The following FAM193B variants were observed in gnomAD, a reference collection of about 807,000 sequenced individuals.
FAM193B encodes protein FAM193B.
FAM193B carries 27 observed loss-of-function variants against 70.7 expected under a neutral mutation model. That is an observed-to-expected ratio of 0.38 (90% CI 0.28 to 0.53). The LOEUF is 0.53. FAM193B is among the 20% of genes least tolerant of loss of function. The probability of loss-of-function intolerance (pLI) is 0.81; values close to 1 mark genes in which losing one functional copy is unlikely to be tolerated. For synonymous variants in FAM193B, 448 were observed against 436.0 expected (o/e 1.03, Z -0.34); for missense variants, 1,022 against 1,072.5 (o/e 0.95, Z 0.66).
At position 177,519,967 on chromosome 5, in the gene FAM193B, AGT is replaced by A. The variant is rs1162084003; in HGVS notation, c.*214_*215del. On this transcript the variant is annotated 3_prime_UTR_variant, in exon 9 of 9. Transcript: ENST00000514747. ...AGGCCAGCCCAGTCCACGGGCTCTG[AGT>A]GTGGAGGCTGCGTAGCACCAGGAAG... The A allele has an allele frequency of 6.6e-6, 1 of 152,282 alleles. No individual in the cohort carries two copies. The highest frequency in any genetic ancestry group is 2.4e-5 in the African/African-American group (1 of 41,428). 9.4% of individuals were successfully genotyped at this position (152,282 alleles called of 1,614,324 possible).
At chr5:177,521,224 A>G (rs1486328656) in intron 8 of FAM193B, among the ~76,000 whole-genome samples, 3 of 152,212 alleles carry the variant, frequency 2.0e-5, no homozygotes, top group African/African-American at 7.2e-5. Context: ...CCCCAGCCCA[A>G]GGTCTGCCTG....
At chr5:177,546,115 C>T (rs1215911907) in intron 1 of FAM193B, among the ~76,000 whole-genome samples, 1 of 152,176 alleles carries the variant, frequency 6.6e-6, no homozygotes, top group Non-Finnish European at 1.5e-5. Context: ...TCCATTCACC[C>T]ATTTATTCCC....
At chr5:177,553,437 C>T in intron 1 of FAM193B, 12 of 1,063,996 alleles carry the variant, frequency 1.1e-5, no homozygotes, top group Non-Finnish European at 1.4e-5. Context: ...GTGCCACAAC[C>T]CTCCCAGAGC....
intron 5 of FAM193B, chr5:177,531,671 C>G: frequency 2.7e-6 from 2 of 740,166 alleles, no homozygotes; most frequent in Non-Finnish European, 3.8e-6. Flanking sequence ...ACCCTCTCAG[C>G]CAGGCTGAAT....
chr5:177,549,187 C>CTTTTTTT (rs141797022), intron 1 of FAM193B, among the ~76,000 whole-genome samples: 14 of 93,018 alleles, frequency 1.5e-4, no homozygotes, highest in African/African-American at 5.3e-4. Flanking sequence ...ATTGTCTTTT[C>CTTTTTTT]TTTTTTTTTT....
intron 1 of FAM193B, among the ~76,000 whole-genome samples, chr5:177,540,706 G>C (rs1175447864): frequency 6.6e-6 from 1 of 152,172 alleles, no homozygotes; most frequent in African/African-American, 2.4e-5. Context: ...GCCCAGCCGA[G>C]AGCAGACTCA....
chr5:177,539,426 G>A (rs982108920), intron 1 of FAM193B: 1 of 355,536 alleles, frequency 2.8e-6, no homozygotes, highest in Non-Finnish European at 5.2e-6. Flanking sequence ...CAAAACTCAT[G>A]CTCAAATATC....
intron 5 of FAM193B, among the ~76,000 whole-genome samples, chr5:177,528,568 G>C (rs897068391): frequency 6.6e-6 from 1 of 152,226 alleles, no homozygotes; most frequent in African/African-American, 2.4e-5. Context: ...GGCGGGAAAA[G>C]GGTGACTCTC....
At chr5:177,537,790 T>A (rs537199866) in intron 3 of FAM193B, 83 bp downstream of exon 3, 2 of 1,478,156 alleles carry the variant, frequency 1.4e-6, no homozygotes, top group Non-Finnish European at 1.8e-6. Context: ...ACCAGTCTTA[T>A]GATTTGTTTG....
chr5:177,527,943 G>A (rs1762868170), intron 5 of FAM193B, among the ~76,000 whole-genome samples: 1 of 152,230 alleles, frequency 6.6e-6, no homozygotes, highest in Admixed American at 6.5e-5. Context: ...GAGGTGTCCA[G>A]TAGCAGTTGG....
chr5:177,519,996 G>A lies in FAM193B; in HGVS notation c.*187C>T, dbSNP rs1348422693. On this transcript the variant is annotated 3_prime_UTR_variant, in exon 9 of 9. Transcript: ENST00000514747. Reference sequence around the variant, plus strand: ...TGGAGGCTGCGTAGCACCAGGAAGCGGCTCTGCTGAGGTCAAGGGGCCCCA... The same window carrying A: ...TGGAGGCTGCGTAGCACCAGGAAGCAGCTCTGCTGAGGTCAAGGGGCCCCA... The A allele has an allele frequency of 6.6e-6, 1 of 152,450 alleles. No homozygotes were observed. The highest frequency in any genetic ancestry group is 2.4e-5 in the African/African-American group (1 of 41,448). 9.4% of individuals were successfully genotyped at this position (152,450 alleles called of 1,614,324 possible).
chr5:177,549,842 A>G (rs542080604), intron 1 of FAM193B, among the ~76,000 whole-genome samples: 55 of 143,080 alleles, frequency 3.8e-4, no homozygotes, highest in African/African-American at 1.4e-3. Flanking sequence ...GGGGGCAGAC[A>G]AGAACAAAGT....
rs1428734837 is a variant in FAM193B at position 177,547,380 on chromosome 5, G to C, written c.210+6869C>G. ...ACTCACTGCAAGCTCCGCCTCCCGG[G>C]TTCACGCCATTCTCCTGCCTCAGCC... On this transcript the variant is annotated intron_variant, in intron 1 of 8. Transcript: ENST00000514747. Among the ~76,000 whole-genome samples the C allele has an allele frequency of 1.4e-4, 19 of 138,982 alleles. No homozygotes were observed. The Admixed American group carries it at 1.5e-3, about 11-fold the overall frequency. 91.2% of individuals were successfully genotyped at this position (138,982 alleles called of 152,430 possible).
Position 177,539,255 on chromosome 5 carries a change from G to A in FAM193B, c.211-108C>T, listed in dbSNP as rs182759153. The A allele has an allele frequency of 5.8e-4, 780 of 1,354,904 alleles. 2 individuals are homozygous for A. The highest frequency in any genetic ancestry group is 2.5e-4 in the Non-Finnish European group (258 of 1,027,284). The allele number at this position is 1,354,904 out of a possible 1,614,324, so 83.9% of individuals were successfully genotyped here. On this transcript the variant is annotated intron_variant, in intron 1 of 8. Transcript: ENST00000514747. Reference sequence around the variant, plus strand: ...TTATTACGTGCCAGGCACTGGGTTAGGCACTTTTTAGACATAATTAAAATT... The same window carrying A: ...TTATTACGTGCCAGGCACTGGGTTAAGCACTTTTTAGACATAATTAAAATT...
At chr5:177,539,367 G>T in intron 1 of FAM193B, 1 of 557,086 alleles carries the variant, frequency 1.8e-6, no homozygotes, top group Non-Finnish European at 3.0e-6. Context: ...TAAATGAGTT[G>T]CCCAAGGTTA....
At position 177,532,603 on chromosome 5, in the gene FAM193B, C is replaced by T; in HGVS notation, c.1115G>A (p.Gly372Asp). The T allele has an allele frequency of 6.3e-7, 1 of 1,588,500 alleles. No individual in the cohort carries two copies. Among genetic ancestry groups the T allele is most frequent in the Non-Finnish European group, 8.5e-7 (1 of 1,171,870 alleles). Residue 372 changes from glycine to aspartate, a missense_variant, in exon 5 of 9, where the codon GGC (glycine) becomes GAC (aspartate). Transcript: ENST00000514747. This position sits in a 1 kb window ranked among gnomAD's most constrained non-coding sequence, Gnocchi z 4.9. ...GGGCTGGGGCAGCTGGCAAGCCAGG[C>T]CACTGTGTGCAAACTTGTGCCCCTT... is the stretch of plus-strand genomic sequence containing the variant. ...GCKGHKFAHS[G>D]LACQLPQPCE...
In FAM193B at chr5:177,532,415, C is replaced by T. The variant is rs1239786513; in HGVS notation, c.1275+28G>A. 23 of 1,594,842 alleles carry T rather than the reference C, an allele frequency of 1.4e-5. No homozygotes were observed. The highest frequency in any genetic ancestry group is 2.7e-5 in the African/African-American group (2 of 74,362). On this transcript the variant is annotated intron_variant, in intron 5 of 8. Coordinates refer to ENST00000514747, the MANE Select transcript of FAM193B (RefSeq NM_001190946.3). This position sits in a 1 kb window ranked among gnomAD's most constrained non-coding sequence, Gnocchi z 4.9. ...TTGCTCACCTTGGCTGGCCCCCAGC[C>T]CTCTCTAGCCTGGGCAGGCTCACTC... is the stretch of plus-strand genomic sequence containing the variant.
chr5:177,534,893 T>C (rs935079961), intron 4 of FAM193B, among the ~76,000 whole-genome samples: 7 of 152,216 alleles, frequency 4.6e-5, no homozygotes, highest in African/African-American at 1.7e-4. Flanking sequence ...GCTGGGATTA[T>C]AGGCATGAGC....
chr5:177,549,207 T>C (rs1253579871), intron 1 of FAM193B, among the ~76,000 whole-genome samples: 1 of 147,674 alleles, frequency 6.8e-6, no homozygotes, highest in East Asian at 1.9e-4. Context: ...TTTTTTTTTT[T>C]TTGAGAAAGG....
Sources: allele counts gnomAD v4.1 joint callset (sites outside exome capture counted in the v4.1 genomes callset), GRCh38; gene constraint gnomAD v4.1.1; non-coding constraint Gnocchi (gnomAD v3.1); transcripts MANE v1.5; gene names NCBI Gene and HGNC (gene_info 2026-07-23, HGNC 2026-07-21).